Variants in STPG2 observed in about 807,000 individuals in gnomAD.
STPG2 encodes the protein sperm-tail PG-rich repeat-containing protein 2.
Under a neutral mutation model 54.2 loss-of-function variants are expected in STPG2, and 56 were observed. The observed-to-expected ratio is 1.03, with a 90% confidence interval of 0.83 to 1.29. STPG2 has a LOEUF of 1.29. Among genes scored for constraint, STPG2 ranks in the 50% most tolerant of loss-of-function variants. The probability of loss-of-function intolerance (pLI) is 0.00; values close to 1 mark genes in which losing one functional copy is unlikely to be tolerated. For missense variants in STPG2, 596 were observed against 544.9 expected, an observed-to-expected ratio of 1.09 and a Z score of -0.93; for synonymous variants, 200 against 181.8, an observed-to-expected ratio of 1.10 and a Z score of -0.81.
intron 8 of STPG2, among the ~76,000 whole-genome samples, chr4:97,912,972 TAG>T (rs1731738184): frequency 2.0e-5 from 3 of 152,240 alleles, no homozygotes; most frequent in Non-Finnish European, 4.4e-5. Flanking sequence ...TGATAAAGCT[TAG>T]AAGGACCTGA....
At chr4:97,525,091 T>C (rs1731255132) in intron 4 of STPG2, among the ~76,000 whole-genome samples, 1 of 151,976 alleles carries the variant, frequency 6.6e-6, no homozygotes, top group Admixed American at 6.6e-5. Flanking sequence ...AGATGTTATT[T>C]ATAAAAGAAT....
chr4:97,502,189 T>C (rs1407832022), intron 4 of STPG2, among the ~76,000 whole-genome samples: 3 of 151,964 alleles, frequency 2.0e-5, no homozygotes, highest in African/African-American at 7.2e-5. Context: ...CCTGAGGATC[T>C]GAATATGAAG....
chr4:97,996,475 TA>T (rs557459185), intron 5 of STPG2, among the ~76,000 whole-genome samples: 67 of 152,316 alleles, frequency 4.4e-4, no homozygotes, highest in African/African-American at 1.6e-3. Flanking sequence ...ATTAAAGACT[TA>T]ACTGTGAAAT....
intron 4 of STPG2, among the ~76,000 whole-genome samples, chr4:97,480,626 G>A (rs1481921067): frequency 6.6e-6 from 1 of 151,378 alleles, no homozygotes; most frequent in Non-Finnish European, 1.5e-5. Flanking sequence ...TTTAATTTTA[G>A]CTGTTGTAGT....
intron 8 of STPG2, among the ~76,000 whole-genome samples, chr4:97,911,859 G>T (rs961771392): frequency 6.6e-6 from 1 of 152,092 alleles, no homozygotes; most frequent in Non-Finnish European, 1.5e-5. Context: ...TCTTTAAGCA[G>T]GTCCCTAATC....
chr4:97,987,271 GATTA>G (rs1734858615), intron 5 of STPG2, among the ~76,000 whole-genome samples: 1 of 148,660 alleles, frequency 6.7e-6, no homozygotes, highest in African/African-American at 2.6e-5. Context: ...CTCTTCACAT[GATTA>G]AATACTAAAA....
intron 5 of STPG2, among the ~76,000 whole-genome samples, chr4:98,037,651 C>A (rs972586323): frequency 2.0e-5 from 3 of 151,776 alleles, no homozygotes; most frequent in Admixed American, 6.6e-5. Flanking sequence ...AAGAGGAAGA[C>A]AATTCAAGGA....
chr4:98,120,168 C>T (rs1020064807), intron 3 of STPG2, among the ~76,000 whole-genome samples: 2 of 152,096 alleles, frequency 1.3e-5, no homozygotes, highest in African/African-American at 2.4e-5. Context: ...GCAACCTCTA[C>T]CTCCCAGGTT....
chr4:98,039,698 A>ATATATATC (rs757439122), intron 5 of STPG2, among the ~76,000 whole-genome samples: 58,088 of 150,268 alleles, frequency 0.39, 11,413 homozygotes, highest in Middle Eastern at 0.45. Context: ...ATATATATAT[A>ATATATATC]TCTCACATTT....
intron 2 of STPG2, among the ~76,000 whole-genome samples, chr4:98,128,864 G>C (rs1449460475): frequency 6.6e-6 from 1 of 152,004 alleles, no homozygotes; most frequent in East Asian, 1.9e-4. Flanking sequence ...CTCCCAAGTA[G>C]CTGGGACTAC....
intron 7 of STPG2, among the ~76,000 whole-genome samples, chr4:97,964,454 T>A (rs1425255547): frequency 2.6e-5 from 4 of 152,008 alleles, no homozygotes; most frequent in Admixed American, 2.6e-4. Context: ...CAGAGAATTG[T>A]CTCTTAATGA....
intron 10 of STPG2, among the ~76,000 whole-genome samples, chr4:97,566,896 G>T (rs193029371): frequency 1.3e-5 from 2 of 148,642 alleles, no homozygotes; most frequent in East Asian, 2.0e-4. Context: ...GTGGTGGGAG[G>T]GGGGAGGGAT....
intron 5 of STPG2, among the ~76,000 whole-genome samples, chr4:98,029,234 T>C (rs905599847): frequency 1.3e-5 from 2 of 152,160 alleles, no homozygotes; most frequent in East Asian, 1.9e-4. Flanking sequence ...CAATCTTCTA[T>C]AACCTCACTG....
At chr4:97,781,927 G>A (rs545421133) in intron 9 of STPG2, among the ~76,000 whole-genome samples, 15 of 152,116 alleles carry the variant, frequency 9.9e-5, no homozygotes, top group African/African-American at 2.6e-4. Flanking sequence ...TTGATAGGCC[G>A]TATCTTAAAA....
chr4:97,505,831 G>A (rs1730831454), intron 4 of STPG2, among the ~76,000 whole-genome samples: 1 of 151,332 alleles, frequency 6.6e-6, no homozygotes, highest in Admixed American at 6.6e-5. Context: ...ATTTATTAGT[G>A]GATGTATTAG....
chr4:98,018,645 G>C (rs1354046747), intron 5 of STPG2, among the ~76,000 whole-genome samples: 1 of 151,832 alleles, frequency 6.6e-6, no homozygotes, highest in Non-Finnish European at 1.5e-5. Context: ...CAGTGTAAAA[G>C]TGTTCCTATT....
At chr4:98,030,923 G>A (rs1332958037) in intron 5 of STPG2, among the ~76,000 whole-genome samples, 5 of 151,970 alleles carry the variant, frequency 3.3e-5, no homozygotes, top group Non-Finnish European at 5.9e-5. Flanking sequence ...AAATTCATAT[G>A]GAACCAAAAA....
intron 10 of STPG2, among the ~76,000 whole-genome samples, chr4:97,687,004 G>T (rs879276052): frequency 6.6e-6 from 1 of 150,610 alleles, no homozygotes; most frequent in Non-Finnish European, 1.5e-5. Context: ...GCAGTGGCGC[G>T]ATCTGGGCTC....
intron 8 of STPG2, among the ~76,000 whole-genome samples, chr4:97,937,765 G>A (rs185345799): frequency 7.2e-5 from 11 of 152,232 alleles, no homozygotes; most frequent in East Asian, 5.8e-4. Flanking sequence ...TCTTTCCTCT[G>A]GGATCTCTGA....
Sources: allele counts gnomAD v4.1 joint callset (sites outside exome capture counted in the v4.1 genomes callset), GRCh38; gene constraint gnomAD v4.1.1; transcripts MANE v1.5; gene names NCBI Gene and HGNC (gene_info 2026-07-23, HGNC 2026-07-21).